Variants in CERT1 observed in about 807,000 individuals in gnomAD.
CERT1 encodes the protein ceramide transporter 1, also known as ceramide transfer protein.
A neutral mutation model predicts 87.9 loss-of-function variants in CERT1; 31 were observed. That is an observed-to-expected ratio of 0.35 (90% CI 0.27 to 0.48). CERT1 has a LOEUF of 0.48. Among genes scored for constraint, CERT1 ranks in the 20% least tolerant of loss-of-function variants. The probability of loss-of-function intolerance (pLI) is 0.99; values close to 1 mark genes in which losing one functional copy is unlikely to be tolerated. For synonymous variants in CERT1, 289 were observed against 250.9 expected, an observed-to-expected ratio of 1.15 and a Z score of -1.44; for missense variants, 487 against 758.0, an observed-to-expected ratio of 0.64 and a Z score of 4.20.
intron 3 of CERT1, among the ~76,000 whole-genome samples, chr5:75,440,379 TTTCTC>T (rs1357339754): frequency 2.0e-5 from 3 of 152,076 alleles, no homozygotes; most frequent in African/African-American, 7.2e-5. Flanking sequence ...TCAAGATACT[TTTCTC>T]AAATCACGCT....
intron 3 of CERT1, among the ~76,000 whole-genome samples, chr5:75,427,094 C>T (rs1366191183): frequency 6.6e-6 from 1 of 152,100 alleles, no homozygotes; most frequent in Non-Finnish European, 1.5e-5. Flanking sequence ...ACGAAGTTTC[C>T]AATTTTGCTA....
At chr5:75,374,625 G>C (rs566693692), downstream of CERT1, 1 of 668,492 alleles carries the variant, frequency 1.5e-6, no homozygotes, top group African/African-American at 1.8e-5. Context: ...GGACATTTCC[G>C]AAGCGAGTGT....
chr5:75,399,640 C>G (rs547503526), intron 10 of CERT1, among the ~76,000 whole-genome samples: 1 of 152,116 alleles, frequency 6.6e-6, no homozygotes, highest in Non-Finnish European at 1.5e-5. Flanking sequence ...TTTAGTATAA[C>G]TGGATATACT....
chr5:75,413,269 T>C (rs76591872), intron 7 of CERT1, among the ~76,000 whole-genome samples: 6 of 152,172 alleles, frequency 3.9e-5, no homozygotes, highest in Admixed American at 1.3e-4. Context: ...AATGTCGTTA[T>C]GCAGTGTATC....
intron 3 of CERT1, among the ~76,000 whole-genome samples, chr5:75,449,967 G>A (rs1032555754): frequency 5.3e-5 from 8 of 151,966 alleles, no homozygotes; most frequent in Non-Finnish European, 8.8e-5. Flanking sequence ...TTCATTGGTT[G>A]CATTAGTTAA....
chr5:75,483,203 C>T (rs921319867), intron 2 of CERT1, among the ~76,000 whole-genome samples: 7 of 152,024 alleles, frequency 4.6e-5, no homozygotes, highest in Non-Finnish European at 1.0e-4. Flanking sequence ...TTAATGAAAT[C>T]AAGTGGAAAT....
At chr5:75,425,023 TG>T (rs1763549295) in intron 5 of CERT1, among the ~76,000 whole-genome samples, 2 of 151,886 alleles carry the variant, frequency 1.3e-5, no homozygotes, top group Admixed American at 1.3e-4. Context: ...GTGGCTGAGA[TG>T]GGAGAATTGC....
At chr5:75,384,563 C>A in intron 14 of CERT1, 79 bp downstream of exon 14, 1 of 962,540 alleles carries the variant, frequency 1.0e-6, no homozygotes, top group East Asian at 2.5e-5. Context: ...ATAACCTCCC[C>A]AATTTTACTT....
upstream of CERT1, chr5:75,511,724 C>A (rs752204859): frequency 1.2e-5 from 19 of 1,548,242 alleles, no homozygotes; most frequent in South Asian, 8.4e-5. Flanking sequence ...TGACGCGACA[C>A]GCCGAGCCTT....
chr5:75,439,526 T>G lies in CERT1; in HGVS notation c.349-13048A>C, dbSNP rs544712844. On this transcript the variant is annotated intron_variant, in intron 3 of 16. Transcript: ENST00000643780. ...AGCTGTTAATGTCACAGTTCCTCAC[T>G]CCCACTCCCTCCACCTAAACTACAT... Among the ~76,000 whole-genome samples the G allele has an allele frequency of 3.9e-5, 6 of 152,152 alleles. No homozygotes were observed. In the South Asian group the frequency reaches 1.0e-3, roughly 26 times the overall value.
chr5:75,463,937 C>G (rs556230982), intron 2 of CERT1, among the ~76,000 whole-genome samples: 1 of 152,168 alleles, frequency 6.6e-6, no homozygotes, highest in Non-Finnish European at 1.5e-5. Context: ...TCTCATTGTC[C>G]AGATGCAGTG....
chr5:75,445,778 T>C (rs1407064286), intron 3 of CERT1, among the ~76,000 whole-genome samples: 1 of 152,192 alleles, frequency 6.6e-6, no homozygotes, highest in African/African-American at 2.4e-5. Flanking sequence ...ACAGGTGCAA[T>C]GCCACCATGC....
chr5:75,373,263 A>G (rs974079856), downstream of CERT1: 3 of 152,206 alleles, frequency 2.0e-5, no homozygotes, highest in Non-Finnish European at 2.9e-5. Flanking sequence ...TGTCAAACTC[A>G]GTCTGATTTG....
rs1264591446 is a variant in CERT1 at position 75,368,809 on chromosome 5, TA to T, written c.*10-152del. 2.6e-5 allele frequency: 4 copies of T among 152,190 alleles called. No individual in the cohort carries two copies. The East Asian group carries it at 7.7e-4, about 29-fold the overall frequency. The allele number at this position is 152,190 out of a possible 1,614,324, so 9.4% of individuals were successfully genotyped here. On this transcript the variant is annotated intron_variant, in intron 17 of 17. Transcript: ENST00000261415. Reference sequence around the variant, plus strand: ...GGCTACATACTGATAAGCCCCACTGTAAGTTGAAAATAAAACAATAATGTAC... The same window carrying T: ...GGCTACATACTGATAAGCCCCACTGTAGTTGAAAATAAAACAATAATGTAC...
chr5:75,407,974 A>G (rs1762783291), intron 8 of CERT1, among the ~76,000 whole-genome samples: 1 of 150,556 alleles, frequency 6.6e-6, no homozygotes, highest in South Asian at 2.1e-4. Context: ...ATTACTGTAT[A>G]TGCACATTGC....
intron 2 of CERT1, among the ~76,000 whole-genome samples, chr5:75,477,647 T>TAAAAAAAAAAAAA (rs540588442): frequency 2.2e-5 from 2 of 89,512 alleles, no homozygotes; most frequent in Non-Finnish European, 4.3e-5. Context: ...TAATAAGTTG[T>TAAAAAAAAAAAAA]AAAAAAAAAA....
At chr5:75,458,396 TTTA>T (rs1343474261) in intron 3 of CERT1, among the ~76,000 whole-genome samples, 2 of 152,170 alleles carry the variant, frequency 1.3e-5, no homozygotes, top group African/African-American at 4.8e-5. Flanking sequence ...CATTGAAACT[TTTA>T]TAAGTTGGGG....
chr5:75,404,308 A>C (rs970369119), intron 8 of CERT1, among the ~76,000 whole-genome samples: 3 of 151,792 alleles, frequency 2.0e-5, no homozygotes, highest in Admixed American at 6.6e-5. Context: ...AAAAAAAAAA[A>C]AAAAAACAAC....
At chr5:75,469,925 T>G (rs2112349966) in intron 2 of CERT1, among the ~76,000 whole-genome samples, 1 of 152,232 alleles carries the variant, frequency 6.6e-6, no homozygotes, top group South Asian at 2.1e-4. Context: ...TAGCTATACT[T>G]CTATCAGATG....
Sources: allele counts gnomAD v4.1 joint callset (sites outside exome capture counted in the v4.1 genomes callset), GRCh38; gene constraint gnomAD v4.1.1; transcripts MANE v1.5; gene names NCBI Gene and HGNC (gene_info 2026-07-23, HGNC 2026-07-21).